The following ATRNL1 variants were observed in gnomAD, a reference collection of about 807,000 sequenced individuals.
ATRNL1 encodes attractin-like protein 1.
Under a neutral mutation model 182.7 loss-of-function variants are expected in ATRNL1, and 95 were observed. That is an observed-to-expected ratio of 0.52 (90% CI 0.44 to 0.62). ATRNL1 has a LOEUF of 0.62. Among genes scored for constraint, ATRNL1 ranks in the 20% least tolerant of loss-of-function variants. The pLI is 0.00. For synonymous variants in ATRNL1, 576 were observed against 568.3 expected, an observed-to-expected ratio of 1.01 and a Z score of -0.19; for missense variants, 1,471 against 1,679.5, an observed-to-expected ratio of 0.88 and a Z score of 2.17.
intron 22 of ATRNL1, among the ~76,000 whole-genome samples, chr10:115,462,288 A>G (rs1053563061): frequency 6.6e-5 from 10 of 152,118 alleles, no homozygotes; most frequent in Non-Finnish European, 2.9e-5. Flanking sequence ...ATTTATGCCT[A>G]TAATTATACA....
intron 20 of ATRNL1, among the ~76,000 whole-genome samples, chr10:115,403,257 C>CCT (rs782077494): frequency 2.8e-5 from 3 of 107,470 alleles, no homozygotes; most frequent in Non-Finnish European, 1.7e-5. Flanking sequence ...TTACTCTCAT[C>CCT]TTTTTTTTTT....
At chr10:115,333,587 G>A (rs1256526803) in intron 18 of ATRNL1, among the ~76,000 whole-genome samples, 3 of 150,464 alleles carry the variant, frequency 2.0e-5, no homozygotes, top group African/African-American at 2.4e-5. Flanking sequence ...AGGTTCAAGC[G>A]AATTCTCCTG....
Position 115,923,301 on chromosome 10 carries a change from T to C in ATRNL1, c.4019-21357T>C, listed in dbSNP as rs369544728. Among the ~76,000 whole-genome samples the C allele has an allele frequency of 2.0e-5, 3 of 152,228 alleles. No individual in the cohort carries two copies. The South Asian group carries it at 6.2e-4, about 31-fold the overall frequency. Reference sequence around the variant, plus strand: ...ATTCTATTTTTCTTAAATTTTACTTTAAGTTCTGGGACACAGGTATAGAAT... The same window carrying C: ...ATTCTATTTTTCTTAAATTTTACTTCAAGTTCTGGGACACAGGTATAGAAT... On this transcript the variant is annotated intron_variant, in intron 28 of 28. Transcript: ENST00000355044.
chr10:115,271,276 T>C (rs1851851035), intron 13 of ATRNL1, among the ~76,000 whole-genome samples: 1 of 152,052 alleles, frequency 6.6e-6, no homozygotes, highest in South Asian at 2.1e-4. Flanking sequence ...AGCTAATATT[T>C]ATACATATAT....
rs782685966 is a variant in ATRNL1, at chr10:115,495,833, G to T, written c.3655-23430G>T. ...TGGAGAGTTCTGTAGATGTATGTTA[G>T]GTCCACTTGATCAAATGTCGAGTTC... On this transcript the variant is annotated intron_variant, in intron 24 of 28. Coordinates refer to ENST00000355044, the MANE Select transcript of ATRNL1 (RefSeq NM_207303.4). Among the ~76,000 whole-genome samples the T allele has an allele frequency of 3.3e-5, 5 of 151,908 alleles. No homozygotes were observed. The South Asian group carries it at 1.0e-3, about 31-fold the overall frequency.
chr10:115,231,706 G>A (rs10885676), intron 9 of ATRNL1, among the ~76,000 whole-genome samples: 31,826 of 152,022 alleles, frequency 0.21, 4,263 homozygotes, highest in Non-Finnish European at 0.3. Flanking sequence ...AAGAGCATGG[G>A]CACTTTATTC....
intron 20 of ATRNL1, among the ~76,000 whole-genome samples, chr10:115,417,627 C>T (rs1845455553): frequency 6.6e-6 from 1 of 152,136 alleles, no homozygotes; most frequent in Non-Finnish European, 1.5e-5. Flanking sequence ...CAGATTTGGC[C>T]CCTCCTGCTG....
chr10:115,353,022 A>C (rs1243735751), intron 19 of ATRNL1, among the ~76,000 whole-genome samples: 2 of 152,230 alleles, frequency 1.3e-5, no homozygotes, highest in African/African-American at 4.8e-5. Context: ...TGTGCTAATG[A>C]GAAGAATGTA....
Position 115,617,545 on chromosome 10 carries a change from A to T in ATRNL1, c.3795+68009A>T, listed in dbSNP as rs185062489. 4.6e-5 allele frequency among the ~76,000 whole-genome samples: 7 copies of T among 151,090 alleles called. No homozygotes were observed. In the East Asian group the frequency reaches 1.4e-3, roughly 29 times the overall value. Reference sequence around the variant, plus strand: ...CAGCTAATTTTTGTATTTTTTGTAGAGACGGGGTTTCACCATGTTGGCCAA... The same window carrying T: ...CAGCTAATTTTTGTATTTTTTGTAGTGACGGGGTTTCACCATGTTGGCCAA... On this transcript the variant is annotated intron_variant, in intron 26 of 28. Coordinates refer to ENST00000355044, the MANE Select transcript of ATRNL1 (RefSeq NM_207303.4).
intron 1 of ATRNL1, among the ~76,000 whole-genome samples, chr10:115,105,149 G>T (rs1378884060): frequency 6.6e-6 from 1 of 152,028 alleles, no homozygotes; most frequent in Non-Finnish European, 1.5e-5. Flanking sequence ...GGATAGTATG[G>T]ACATTTTAAC....
intron 10 of ATRNL1, among the ~76,000 whole-genome samples, chr10:115,262,906 G>A (rs1436843385): frequency 2.0e-5 from 3 of 152,046 alleles, no homozygotes; most frequent in Non-Finnish European, 4.4e-5. Context: ...GTTGTACACT[G>A]CTAATGTGAG....
intron 8 of ATRNL1, among the ~76,000 whole-genome samples, chr10:115,213,878 A>G (rs1202841448): frequency 1.3e-5 from 2 of 152,108 alleles, no homozygotes; most frequent in African/African-American, 4.8e-5. Context: ...GGCAAATTGA[A>G]ACCCAAATGA....
intron 10 of ATRNL1, among the ~76,000 whole-genome samples, chr10:115,246,145 ATAAT>A (rs1554904035): frequency 6.6e-6 from 1 of 152,188 alleles, no homozygotes; most frequent in African/African-American, 2.4e-5. Context: ...GATTTATAAT[ATAAT>A]TATTGTTACA....
At chr10:115,607,961 G>C (rs530899617) in intron 26 of ATRNL1, among the ~76,000 whole-genome samples, 27 of 151,900 alleles carry the variant, frequency 1.8e-4, no homozygotes, top group African/African-American at 6.5e-4. Flanking sequence ...TTCAATTACT[G>C]TAGTTGATCT....
At chr10:115,765,686 G>A (rs2960695) in intron 27 of ATRNL1, among the ~76,000 whole-genome samples, 144,710 of 152,294 alleles carry the variant, frequency 0.95, 69,170 homozygotes, top group East Asian at 1. Context: ...TTAAGCCTTT[G>A]GTGTTATATG....
chr10:115,490,963 A>G (rs1554976444), intron 24 of ATRNL1, among the ~76,000 whole-genome samples: 1 of 151,986 alleles, frequency 6.6e-6, no homozygotes, highest in Non-Finnish European at 1.5e-5. Context: ...TCTGTTTGTT[A>G]GTTTTTCCTT....
At chr10:115,839,331 C>T (rs938922865) in intron 27 of ATRNL1, among the ~76,000 whole-genome samples, 7 of 152,178 alleles carry the variant, frequency 4.6e-5, no homozygotes, top group African/African-American at 1.4e-4. Flanking sequence ...CGTTTCCATC[C>T]GAGCATCTCA....
At chr10:115,233,664 T>C (rs1228235729) in intron 9 of ATRNL1, among the ~76,000 whole-genome samples, 1 of 152,160 alleles carries the variant, frequency 6.6e-6, no homozygotes, top group Non-Finnish European at 1.5e-5. Flanking sequence ...GTTTTTTAGA[T>C]ATCATTATAA....
At chr10:115,285,572 A>C (rs1471132299) in intron 14 of ATRNL1, among the ~76,000 whole-genome samples, 1 of 152,130 alleles carries the variant, frequency 6.6e-6, no homozygotes, top group East Asian at 1.9e-4. Context: ...TTTCAAGTTC[A>C]ATTTGGATTC....
Sources: allele counts gnomAD v4.1 joint callset (sites outside exome capture counted in the v4.1 genomes callset), GRCh38; gene constraint gnomAD v4.1.1; transcripts MANE v1.5; gene names NCBI Gene and HGNC (gene_info 2026-07-23, HGNC 2026-07-21).